Variants in SH3D19 observed in about 807,000 individuals in gnomAD.
SH3D19 encodes the protein SH3 domain-containing protein 19.
Under a neutral mutation model 112.1 loss-of-function variants are expected in SH3D19, and 58 were observed. That is an observed-to-expected ratio of 0.52 (90% CI 0.42 to 0.64). The LOEUF (loss-of-function observed/expected upper bound fraction) is 0.64, where lower values mean the gene tolerates loss of function less well. Ranked by LOEUF, SH3D19 falls within the 30% of genes least tolerant of loss-of-function variation. The pLI is 0.00. For synonymous variants in SH3D19, 391 were observed against 448.5 expected, an observed-to-expected ratio of 0.87 and a Z score of 1.62; for missense variants, 1,090 against 1,263.4, an observed-to-expected ratio of 0.86 and a Z score of 2.08.
At chr4:151,280,065 G>A in intron 1 of SH3D19, 3 of 1,307,716 alleles carry the variant, frequency 2.3e-6, no homozygotes, top group South Asian at 2.7e-5. Context: ...AGGCAGGGCG[G>A]AAGGAAACCC....
At chr4:151,137,958 T>TTATG in intron 13 of SH3D19, 96 bp from the exon 14 acceptor site, 1 of 967,890 alleles carries the variant, frequency 1.0e-6, no homozygotes, top group East Asian at 2.9e-5. Flanking sequence ...ACTGAGGCAG[T>TTATG]TATGTTCCAC....
intron 1 of SH3D19, among the ~76,000 whole-genome samples, chr4:151,241,288 T>C (rs1318395811): frequency 2.6e-5 from 4 of 151,906 alleles, no homozygotes; most frequent in African/African-American, 9.7e-5. Context: ...CGAGGCCCTA[T>C]CTTTATAAAT....
intron 1 of SH3D19, chr4:151,282,376 T>C (rs769318189): frequency 7.4e-6 from 12 of 1,613,772 alleles, no homozygotes; most frequent in Non-Finnish European, 1.0e-5. Context: ...CACCCTTTTG[T>C]TGGGTGACCG....
Position 151,325,398 on chromosome 4 carries a change from CCCCGGCGCCCCAGAACGCCTGCA to C in SH3D19, c.-69_-47del, listed in dbSNP as rs1361502158. The stretch of plus-strand genomic sequence containing the variant: ...CCGCGGGATGGCCAGCGAGCTGCGG[CCCCGGCGCCCCAGAACGCCTGCA>C]CCCGGCGCCCCACGCCACCGCCCTC... On this transcript the variant is annotated 5_prime_UTR_variant, in exon 1 of 20. Transcript: ENST00000604030. The C allele has an allele frequency of 2.0e-5, 21 of 1,037,090 alleles. No individual in the cohort carries two copies. Among genetic ancestry groups the C allele is most frequent in the Middle Eastern group, 3.7e-4 (1 of 2,728 alleles). 64.2% of individuals were successfully genotyped at this position (1,037,090 alleles called of 1,614,324 possible).
At chr4:151,289,419 C>T (rs1177700455) in intron 1 of SH3D19, among the ~76,000 whole-genome samples, 1 of 152,068 alleles carries the variant, frequency 6.6e-6, no homozygotes, top group Non-Finnish European at 1.5e-5. Flanking sequence ...TCAATGGACA[C>T]CATCAACAAA....
At chr4:151,268,344 C>G (rs1344879028) in intron 1 of SH3D19, among the ~76,000 whole-genome samples, 2 of 152,132 alleles carry the variant, frequency 1.3e-5, no homozygotes, top group South Asian at 2.1e-4. Context: ...CTGGATGAGT[C>G]AGTGAGTGAG....
At chr4:151,194,071 G>A (rs1763047357) in intron 2 of SH3D19, among the ~76,000 whole-genome samples, 1 of 141,680 alleles carries the variant, frequency 7.1e-6, no homozygotes, top group Admixed American at 7.0e-5. Context: ...TGTCACCCAG[G>A]CTGGAGTGCA....
chr4:151,168,175 GAAGGTGAGAAGTATATTGAAA>G (rs139601739), intron 7 of SH3D19, among the ~76,000 whole-genome samples: 130,638 of 150,882 alleles, frequency 0.87, 57,408 homozygotes, highest in Non-Finnish European at 0.95. Context: ...AGGTTTATTA[GAAGGTGAGAAGTATATTGAAA>G]AAGGTGAGAA....
intron 2 of SH3D19, among the ~76,000 whole-genome samples, chr4:151,198,930 A>T (rs1763976749): frequency 1.3e-5 from 2 of 152,072 alleles, no homozygotes; most frequent in African/African-American, 4.8e-5. Flanking sequence ...AAACTTCAGC[A>T]GTGGGTAGGC....
At chr4:151,278,731 A>T (rs114381361) in intron 1 of SH3D19, among the ~76,000 whole-genome samples, 1,579 of 152,186 alleles carry the variant, frequency 0.01, 27 homozygotes, top group African/African-American at 0.036. Flanking sequence ...CCCGGGCTCA[A>T]GCAATCCTCC....
intron 2 of SH3D19, among the ~76,000 whole-genome samples, chr4:151,214,657 C>T (rs76720197): frequency 9.2e-6 from 1 of 108,408 alleles, no homozygotes; most frequent in Non-Finnish European, 2.1e-5. Flanking sequence ...ACCTCCCTCC[C>T]GGAAGGGGCG....
At chr4:151,325,110 G>A in intron 1 of SH3D19, 131 bp downstream of exon 1, 1 of 425,978 alleles carries the variant, frequency 2.3e-6, no homozygotes. Flanking sequence ...CCCCGAGTCT[G>A]GCCTCTGAGA....
chr4:151,179,247 C>A, intron 4 of SH3D19, 108 bp downstream of exon 4: 1 of 549,652 alleles, frequency 1.8e-6, no homozygotes, highest in Non-Finnish European at 2.7e-6. Context: ...AAGCAGAATA[C>A]AAGAATACAT....
At chr4:151,309,998 A>T (rs985758790) in intron 1 of SH3D19, among the ~76,000 whole-genome samples, 1 of 150,540 alleles carries the variant, frequency 6.6e-6, no homozygotes, top group African/African-American at 2.4e-5. Context: ...TCAAAAAGAA[A>T]GTCAGCTGAG....
At chr4:151,294,065 T>C (rs776350502) in intron 1 of SH3D19, among the ~76,000 whole-genome samples, 16 of 152,202 alleles carry the variant, frequency 1.1e-4, no homozygotes, top group Non-Finnish European at 2.2e-4. Flanking sequence ...GAACTCAACA[T>C]AGCTATAATT....
chr4:151,282,506 A>G, intron 1 of SH3D19: 1 of 1,344,112 alleles, frequency 7.4e-7, no homozygotes, highest in Non-Finnish European at 1.0e-6. Flanking sequence ...CATGGAAAAT[A>G]TTTTTCAACA....
intron 2 of SH3D19, among the ~76,000 whole-genome samples, chr4:151,211,927 T>A (rs1456078542): frequency 6.6e-6 from 1 of 152,214 alleles, no homozygotes; most frequent in Admixed American, 6.5e-5. Flanking sequence ...CAGCAAGTTA[T>A]CCAGCAGATC....
intron 1 of SH3D19, among the ~76,000 whole-genome samples, chr4:151,243,316 T>C (rs1348407382): frequency 6.6e-6 from 1 of 152,202 alleles, no homozygotes; most frequent in African/African-American, 2.4e-5. Context: ...ATAAAAAGTA[T>C]AATAAACAAC....
chr4:151,260,447 A>G (rs565051372), intron 1 of SH3D19, among the ~76,000 whole-genome samples: 2 of 152,264 alleles, frequency 1.3e-5, no homozygotes, highest in East Asian at 1.9e-4. Context: ...CAAGACAAAT[A>G]TTGTATCTCA....
Sources: gnomAD v4.1 joint callset for allele counts (sites outside exome capture counted in the v4.1 genomes callset) on GRCh38, gnomAD v4.1.1 for gene constraint, MANE v1.5 for transcripts, NCBI Gene and HGNC (gene_info 2026-07-23, HGNC 2026-07-21) for gene names.